Variants in COL4A3 observed in about 807,000 individuals in gnomAD.
COL4A3 encodes collagen type IV alpha 3 chain.
COL4A3 carries 135 observed loss-of-function variants against 217.4 expected under a neutral mutation model. The observed-to-expected ratio is 0.62, with a 90% confidence interval of 0.54 to 0.72. The LOEUF (loss-of-function observed/expected upper bound fraction) is 0.72, where lower values mean the gene tolerates loss of function less well. Among genes scored for constraint, COL4A3 ranks in the 30% least tolerant of loss-of-function variants. The pLI is 0.00. For missense variants in COL4A3, 1,868 were observed against 2,119.9 expected (o/e 0.88, Z 2.33); for synonymous variants, 690 against 736.3 (o/e 0.94, Z 1.02).
chr2:227,237,128 AACTC>A (rs1290699035), intron 1 of COL4A3, among the ~76,000 whole-genome samples: 2 of 152,204 alleles, frequency 1.3e-5, no homozygotes, highest in Admixed American at 6.5e-5. Context: ...AGGTATGTCT[AACTC>A]ACAGCTGAAT....
intron 31 of COL4A3, 152 bp downstream of exon 31, chr2:227,281,158 T>C (rs2071938750): frequency 7.0e-6 from 5 of 710,420 alleles, no homozygotes; most frequent in East Asian, 2.7e-5. Flanking sequence ...CTTGCTGTTA[T>C]GGGTTTGTTG....
chr2:227,241,224 T>G (rs2069000020), intron 3 of COL4A3, among the ~76,000 whole-genome samples: 1 of 152,214 alleles, frequency 6.6e-6, no homozygotes, highest in Admixed American at 6.5e-5. Flanking sequence ...TTTCCTGCTG[T>G]GGACATTAGC....
At chr2:227,235,204 C>T (rs62277844) in intron 1 of COL4A3, among the ~76,000 whole-genome samples, 14,222 of 151,936 alleles carry the variant, frequency 0.094, 670 homozygotes, top group Admixed American at 0.15. Context: ...TGACAAGTCT[C>T]CAGGAGATGC....
chr2:227,186,648 A>C (rs1374445547), intron 1 of COL4A3, among the ~76,000 whole-genome samples: 1 of 152,178 alleles, frequency 6.6e-6, no homozygotes, highest in Non-Finnish European at 1.5e-5. Context: ...TGTAGATGTT[A>C]ATAGGATTGG....
At chr2:227,254,409 T>G (rs960908527) in intron 14 of COL4A3, among the ~76,000 whole-genome samples, 5 of 152,202 alleles carry the variant, frequency 3.3e-5, no homozygotes, top group African/African-American at 1.2e-4. Flanking sequence ...CGGCCACTCC[T>G]AGCTGAAATC....
intron 1 of COL4A3, among the ~76,000 whole-genome samples, chr2:227,203,313 A>G (rs2066902783): frequency 2.5e-5 from 2 of 78,806 alleles, no homozygotes; most frequent in Non-Finnish European, 2.6e-5. Context: ...ATGTGTATAT[A>G]TACATATATG....
rs769798965 is a variant in COL4A3, at chr2:227,270,844, G to A, written c.1650G>A (p.Val550=). 4.3e-6 allele frequency: 7 copies of A among 1,614,172 alleles called. No individual in the cohort carries two copies. Among genetic ancestry groups the A allele is most frequent in the Non-Finnish European group, 8.5e-7 (1 of 1,180,032 alleles). Residue 550 remains valine (V), a synonymous_variant, in exon 25 of 52, where the codon GTG becomes GTA. Coordinates refer to ENST00000396578, the MANE Select transcript of COL4A3 (RefSeq NM_000091.5). ...AAACACTTCAGCCTGAGGGGCAAGTGGGTGTCCCAGGTGACCCGGGGCTCA... is the reference window on the plus strand; with the variant it reads ...AAACACTTCAGCCTGAGGGGCAAGTAGGTGTCCCAGGTGACCCGGGGCTCA... The part of the protein sequence containing the change: ...KGETLQPEGQ[V]GVPGDPGLRG...
rs200381393 is a variant in COL4A3, at chr2:227,245,917, G to T, written c.325-37G>T. 1.2e-3 allele frequency: 1,804 copies of T among 1,553,242 alleles called. 9 individuals carry two copies. The highest frequency in any genetic ancestry group is 1.2e-3 in the Middle Eastern group (7 of 5,940). ...CCCTTGGGTTCAGTGCTGTTTCTTG[G>T]GATGACCCTCCTCATTGAGACTTGT... On this transcript the variant is annotated intron_variant, in intron 5 of 51. Transcript: ENST00000396578.
At chr2:227,177,520 A>G (rs980333710) in intron 1 of COL4A3, among the ~76,000 whole-genome samples, 1 of 152,150 alleles carries the variant, frequency 6.6e-6, no homozygotes, top group Non-Finnish European at 1.5e-5. Context: ...ACCATAAGTT[A>G]TTTAAGTAAT....
At chr2:227,246,659 A>G (rs1169849482) in intron 6 of COL4A3, 26 bp from the exon 7 acceptor site, 3 of 1,585,648 alleles carry the variant, frequency 1.9e-6, no homozygotes, top group Non-Finnish European at 2.6e-6. Context: ...AACTAAGAAT[A>G]ATAAGAAACT....
chr2:227,225,712 T>TTTA (rs1198463256), intron 1 of COL4A3, among the ~76,000 whole-genome samples: 9 of 123,604 alleles, frequency 7.3e-5, no homozygotes, highest in African/African-American at 3.0e-4. Flanking sequence ...TTTCTTTCTT[T>TTTA]TTTTTTTTTT....
At chr2:227,297,184 A>G (rs933723375) in intron 41 of COL4A3, among the ~76,000 whole-genome samples, 1 of 152,218 alleles carries the variant, frequency 6.6e-6, no homozygotes, top group Non-Finnish European at 1.5e-5. Context: ...TAGCTGGATA[A>G]TACTTCAAAT....
intron 43 of COL4A3, among the ~76,000 whole-genome samples, chr2:227,300,684 A>G (rs1006775177): frequency 1.3e-5 from 2 of 152,176 alleles, no homozygotes; most frequent in Non-Finnish European, 2.9e-5. Flanking sequence ...GGAGCCCACA[A>G]TAAAGTGAGG....
At chr2:227,200,229 A>G (rs925751337) in intron 1 of COL4A3, among the ~76,000 whole-genome samples, 1 of 151,548 alleles carries the variant, frequency 6.6e-6, no homozygotes, top group Non-Finnish European at 1.5e-5. Context: ...TGTAGATACA[A>G]TTCGAAGAAG....
chr2:227,184,694 T>C (rs554385434), intron 1 of COL4A3, among the ~76,000 whole-genome samples: 2 of 152,244 alleles, frequency 1.3e-5, no homozygotes, highest in Admixed American at 6.5e-5. Context: ...AAATATAAAA[T>C]AGTGAGGTAT....
At chr2:227,208,118 C>T (rs1290316695) in intron 1 of COL4A3, among the ~76,000 whole-genome samples, 3 of 151,970 alleles carry the variant, frequency 2.0e-5, no homozygotes, top group African/African-American at 7.3e-5. Context: ...GCTTCTAACC[C>T]TTAAGCTGTC....
chr2:227,290,135 A>G (rs1430252980), intron 36 of COL4A3, 47 bp downstream of exon 36: 1 of 1,538,212 alleles, frequency 6.5e-7, no homozygotes, highest in African/African-American at 1.4e-5. Flanking sequence ...ATGATGGGTG[A>G]GGACTCCAGA....
At chr2:227,219,168 A>G (rs2067655854) in intron 1 of COL4A3, among the ~76,000 whole-genome samples, 1 of 148,936 alleles carries the variant, frequency 6.7e-6, no homozygotes, top group African/African-American at 2.5e-5. Flanking sequence ...CTAATTTTGT[A>G]TTTTTTTTTT....
At chr2:227,168,813 T>A (rs1265870455) in intron 1 of COL4A3, among the ~76,000 whole-genome samples, 1 of 152,160 alleles carries the variant, frequency 6.6e-6, no homozygotes, top group Non-Finnish European at 1.5e-5. Flanking sequence ...TACTTTTATC[T>A]TTTTCCATGT....
Sources: gnomAD v4.1 joint callset for allele counts (sites outside exome capture counted in the v4.1 genomes callset) on GRCh38, gnomAD v4.1.1 for gene constraint, MANE v1.5 for transcripts, NCBI Gene and HGNC (gene_info 2026-07-23, HGNC 2026-07-21) for gene names.